SMIM24: variants seen among roughly 807,000 people sequenced by gnomAD.
SMIM24 encodes MAP17-related dimer.
A neutral mutation model predicts 10.8 loss-of-function variants in SMIM24; 6 were observed. The ratio of observed to expected loss-of-function variants is 0.55; its 90% CI spans 0.30 to 1.09. SMIM24 has a LOEUF of 1.09. SMIM24 is among the 50% of genes least tolerant of loss of function. The pLI, the probability that SMIM24 is intolerant of heterozygous loss-of-function variation, is 0.06. For missense variants in SMIM24, 151 were observed against 153.4 expected (o/e 0.98, Z 0.08); for synonymous variants, 71 against 62.4 (o/e 1.14, Z -0.65).
Position 3,474,134 on chromosome 19 carries a change from T to TA in SMIM24, c.*708dup, listed in dbSNP as rs2082783532. The stretch of plus-strand genomic sequence containing the variant: ...CCTGGGGCACCCCCACCCTCCAAGA[T>TA]ACAGCTCCCAGGAAAAAAGTCACGT... On this transcript the variant is annotated 3_prime_UTR_variant, in exon 4 of 4. Transcript: ENST00000215531. The TA allele has an allele frequency of 6.6e-6, 1 of 151,510 alleles. No homozygotes were observed. The highest frequency in any genetic ancestry group is 6.6e-5 in the Admixed American group (1 of 15,114). 9.4% of individuals were successfully genotyped at this position (151,510 alleles called of 1,614,324 possible).
intron 3 of SMIM24, among the ~76,000 whole-genome samples, chr19:3,475,679 G>C (rs1028516094): frequency 3.3e-5 from 5 of 151,284 alleles, no homozygotes; most frequent in Non-Finnish European, 7.4e-5. Flanking sequence ...TGAATTGATG[G>C]GTGGGTGGGT....
At chr19:3,478,601 A>G in intron 2 of SMIM24, 123 bp from the exon 3 acceptor site, 1 of 1,015,164 alleles carries the variant, frequency 9.9e-7, no homozygotes, top group Non-Finnish European at 1.4e-6. Flanking sequence ...CATGAACCCC[A>G]GGACGCAAGG....
At chr19:3,478,510 C>A (rs556025793) in intron 2 of SMIM24, 32 bp from the exon 3 acceptor site, 7 of 1,525,104 alleles carry the variant, frequency 4.6e-6, no homozygotes, top group Non-Finnish European at 6.2e-6. Flanking sequence ...TGGAAGGGGG[C>A]GGGAGAGGAG....
intron 2 of SMIM24, 141 bp from the exon 3 acceptor site, chr19:3,478,619 G>A (rs958027291): frequency 5.4e-6 from 5 of 932,104 alleles, no homozygotes; most frequent in South Asian, 5.1e-5. Context: ...AGGAAGGGCT[G>A]GGCTGCCTGG....
Position 3,474,806 on chromosome 19 carries a change from C to A in SMIM24, c.*37G>T, listed in dbSNP as rs1327883633. 1.0e-5 allele frequency: 16 copies of A among 1,544,260 alleles called. No homozygotes were observed. The highest frequency in any genetic ancestry group is 1.4e-5 in the Non-Finnish European group (16 of 1,144,600). On this transcript the variant is annotated 3_prime_UTR_variant, in exon 4 of 4. Transcript: ENST00000215531. ...TGCTTTTAGGGGGCAGAAGAGGCAT[C>A]TCTGGGGGACTGCCTGGAAGAGGCA...
chr19:3,479,114 G>T (rs1440530671), intron 1 of SMIM24, 185 bp from the exon 2 acceptor site: 4 of 524,694 alleles, frequency 7.6e-6, no homozygotes, highest in Non-Finnish European at 1.3e-5. Flanking sequence ...GAGAGGGGGA[G>T]GGTACCTTAC....
intron 1 of SMIM24, 97 bp downstream of exon 1, chr19:3,480,300 C>T: frequency 8.2e-7 from 1 of 1,214,242 alleles, no homozygotes; most frequent in South Asian, 1.5e-5. Context: ...TTCTTCCTGC[C>T]CCCTCTCCTT....
chr19:3,476,615 A>G (rs1403637611), intron 3 of SMIM24, among the ~76,000 whole-genome samples: 1 of 152,138 alleles, frequency 6.6e-6, no homozygotes, highest in East Asian at 1.9e-4. Context: ...GCCACCACTC[A>G]GGTCCTCTCC....
intron 1 of SMIM24, 39 bp from the exon 2 acceptor site, chr19:3,478,968 A>G (rs1035156919): frequency 2.0e-6 from 3 of 1,491,104 alleles, no homozygotes; most frequent in Admixed American, 4.0e-5. Flanking sequence ...GAGGAAGAAA[A>G]GGTCAGAAGA....
At chr19:3,477,152 G>C (rs2082795863) in intron 3 of SMIM24, among the ~76,000 whole-genome samples, 1 of 150,990 alleles carries the variant, frequency 6.6e-6, no homozygotes, top group African/African-American at 2.4e-5. Flanking sequence ...ATGGATGGTG[G>C]GTGGGTGGAT....
intron 3 of SMIM24, among the ~76,000 whole-genome samples, chr19:3,477,480 T>TGATG (rs1391456160): frequency 1.5e-5 from 2 of 136,106 alleles, no homozygotes; most frequent in East Asian, 2.4e-4. Context: ...GATGAATGGA[T>TGATG]GATGGATGGA....
intron 2 of SMIM24, 88 bp downstream of exon 2, chr19:3,478,730 A>T: frequency 1.1e-6 from 1 of 915,972 alleles, no homozygotes; most frequent in Non-Finnish European, 1.5e-6. Flanking sequence ...TCGGACTTTG[A>T]GGCTGGTGAT....
rs892199811 is a variant in SMIM24, at chr19:3,474,948, C to T, written c.288G>A (p.Arg96=). 6 of 1,551,522 alleles carry T rather than the reference C, an allele frequency of 3.9e-6. No homozygotes were observed. The African/African-American group carries it at 5.5e-5, about 14-fold the overall frequency. ...KKEAKEKEEK[R]KKEKKTAKEG... is the part of the protein sequence containing the mutation. ...CCTTTGCTGTCTTTTTCTCCTTCTT[C>T]CTCTTCTCTTCTTTCTCCTTGGCCT... Residue 96 remains arginine, a synonymous_variant, in exon 4 of 4, where the codon AGG becomes AGA. Transcript: ENST00000215531.
chr19:3,480,361 A>AAACCCCCACCCCCCC, intron 1 of SMIM24, 36 bp downstream of exon 1: 1 of 1,285,508 alleles, frequency 7.8e-7, no homozygotes, highest in Non-Finnish European at 1.1e-6. Context: ...CAACTCCCCT[A>AAACCCCCACCCCCCC]TCCCGCGACG....
At chr19:3,478,529 C>T in intron 2 of SMIM24, 51 bp from the exon 3 acceptor site, 2 of 1,472,080 alleles carry the variant, frequency 1.4e-6, no homozygotes, top group Middle Eastern at 1.7e-4. Flanking sequence ...AGAAAGGGGG[C>T]GGTAAAGGGA....
Position 3,474,676 on chromosome 19 carries a change from G to GC in SMIM24, c.*166dup. The GC allele has an allele frequency of 1.0e-5, 8 of 790,014 alleles. No homozygotes were observed. In the South Asian group the frequency reaches 1.8e-4, roughly 17 times the overall value. The allele number at this position is 790,014 out of a possible 1,614,324, so 48.9% of individuals were successfully genotyped here. A position where few individuals can be genotyped will look rare whatever the true frequency, so the allele number is the denominator to read the frequency against. ...CATGAAAACCATGTTTGCCCAGAGA[G>GC]CCCCCAATGAGGGAGGTGGGGTGGG... On this transcript the variant is annotated 3_prime_UTR_variant, in exon 4 of 4. Coordinates refer to ENST00000215531, the MANE Select transcript of SMIM24 (RefSeq NM_001136503.2).
intron 2 of SMIM24, among the ~76,000 whole-genome samples, 170 bp from the exon 3 acceptor site, chr19:3,478,648 C>T (rs10413312): frequency 1.3e-5 from 2 of 151,728 alleles, no homozygotes; most frequent in South Asian, 2.1e-4. Flanking sequence ...CTTGGGGAGA[C>T]GGGCGGGTGC....
intron 3 of SMIM24, among the ~76,000 whole-genome samples, chr19:3,477,268 G>GTGGA (rs147781591): frequency 0.4 from 29,371 of 74,086 alleles, 6,351 homozygotes; most frequent in Non-Finnish European, 0.48. Flanking sequence ...GGATGGGTGA[G>GTGGA]TGGATGGATG....
Position 3,478,861 on chromosome 19 carries a change from A to T in SMIM24, c.136T>A (p.Tyr46Asn). The T allele has an allele frequency of 6.5e-7, 1 of 1,549,836 alleles. No homozygotes were observed. The highest frequency in any genetic ancestry group is 8.7e-7 in the Non-Finnish European group (1 of 1,146,730). The stretch of plus-strand genomic sequence containing the variant: ...AGGCGGTTGGCCAGCAAGACCAAAT[A>T]GACGATGAACAGGAAGCCGACTACC... ...AAVVGFLFIVYLVLLANRLWC... is the reference protein window; with the variant it reads ...AAVVGFLFIVNLVLLANRLWC... Residue 46 changes from tyrosine to asparagine, a missense_variant, in exon 2 of 4, where the codon TAT becomes AAT. Physicochemically the swap from Tyr to Asn is moderately radical, Grantham distance 143. Transcript: ENST00000215531.
Sources: gnomAD v4.1 joint callset for allele counts (sites outside exome capture counted in the v4.1 genomes callset) on GRCh38, gnomAD v4.1.1 for gene constraint, MANE v1.5 for transcripts, NCBI Gene and HGNC (gene_info 2026-07-23, HGNC 2026-07-21) for gene names.